Variants in SLC5A10 observed in about 807,000 individuals in gnomAD.
The protein encoded by SLC5A10 is sodium/mannose cotransporter SLC5A10.
In SLC5A10, 55 loss-of-function variants were observed where a neutral mutation model predicts 68.9. The ratio of observed to expected loss-of-function variants is 0.80; its 90% CI spans 0.64 to 1.00. The LOEUF (loss-of-function observed/expected upper bound fraction) is 1.00, where lower values mean the gene tolerates loss of function less well. Ranked by LOEUF, SLC5A10 falls within the 50% of genes least tolerant of loss-of-function variation. The probability of loss-of-function intolerance (pLI) is 0.00; values close to 1 mark genes in which losing one functional copy is unlikely to be tolerated. For synonymous variants in SLC5A10, 344 were observed against 344.8 expected (o/e 1.00, Z 0.02); for missense variants, 732 against 819.3 (o/e 0.89, Z 1.30).
Position 18,971,132 on chromosome 17 carries a change from C to T in SLC5A10, c.760C>T (p.Arg254Ter), listed in dbSNP as rs762492720. 7.4e-6 allele frequency: 12 copies of T among 1,613,978 alleles called. No homozygotes were observed. The highest frequency in any genetic ancestry group is 2.2e-5 in the South Asian group (2 of 91,096). ...ACGTACAGACGCCATGCACATGTTT[C>T]GAGACCCCCACACAGGGGACCTGCC... ...LPRTDAMHMFRDPHTGDLPWT... is the reference protein window; with the variant it reads ...LPRTDAMHMF Residue 254 changes from arginine (R) to a stop codon, truncating the protein, a stop_gained, in exon 8 of 15, where the codon CGA becomes TGA. Coordinates refer to ENST00000395645, the MANE Select transcript of SLC5A10 (RefSeq NM_001042450.4). LOFTEE classifies it high-confidence loss of function. This position sits in a 1 kb window ranked among gnomAD's most constrained non-coding sequence, Gnocchi z 5.5.
chr17:18,988,837 C>T lies in SLC5A10; in HGVS notation c.982+11848C>T, dbSNP rs538698622. On this transcript the variant is annotated intron_variant, in intron 9 of 14. Coordinates refer to ENST00000395645, the MANE Select transcript of SLC5A10 (RefSeq NM_001042450.4). ...ACCCAGATCTCTTCCTGTCAGCTGA[C>T]AACATCTGTCCCCATAGCAGGTGAC... 2.0e-5 allele frequency among the ~76,000 whole-genome samples: 3 copies of T among 152,348 alleles called. No individual in the cohort carries two copies. In the South Asian group the frequency reaches 6.2e-4, roughly 32 times the overall value.
chr17:19,013,047 T>C (rs1368032733), intron 9 of SLC5A10, among the ~76,000 whole-genome samples: 1 of 152,208 alleles, frequency 6.6e-6, no homozygotes, highest in Non-Finnish European at 1.5e-5. Flanking sequence ...CTCTCTCTTC[T>C]CTAGCCTCCA....
At chr17:18,958,810 T>C (rs2042557348) in intron 2 of SLC5A10, 57 bp downstream of exon 2, 1 of 1,581,830 alleles carries the variant, frequency 6.3e-7, no homozygotes, top group African/African-American at 1.3e-5. Context: ...CTGTGTCTGA[T>C]CTCTAGGTCA....
intron 7 of SLC5A10, chr17:18,970,233 G>A (rs543665524): frequency 6.6e-6 from 1 of 152,416 alleles, no homozygotes. Flanking sequence ...GGCCTGGGGT[G>A]GAAACGGGTT....
At chr17:18,951,078 C>A (rs2042361380), upstream of SLC5A10, among the ~76,000 whole-genome samples, 1 of 152,222 alleles carries the variant, frequency 6.6e-6, no homozygotes, top group Admixed American at 6.5e-5. Flanking sequence ...GCTGGGTTTG[C>A]AGGCCAGCGT....
chr17:18,977,216 T>C, intron 9 of SLC5A10: 1 of 632,822 alleles, frequency 1.6e-6, no homozygotes. Flanking sequence ...ACCTCAAGGC[T>C]GTAAATGAAC....
intron 1 of SLC5A10, 58 bp from the exon 2 acceptor site, chr17:18,958,624 C>T (rs936560784): frequency 9.1e-6 from 14 of 1,534,936 alleles, no homozygotes; most frequent in East Asian, 2.3e-5. Context: ...GTTTCCCATT[C>T]GACTTCCCAG....
At chr17:18,984,803 G>T (rs1182378937) in intron 9 of SLC5A10, among the ~76,000 whole-genome samples, 2 of 152,246 alleles carry the variant, frequency 1.3e-5, no homozygotes, top group Non-Finnish European at 2.9e-5. Context: ...GAGGGTGTCA[G>T]TGAAAGTTCT....
rs1440337750 is a variant in SLC5A10, at chr17:19,018,299, G to A, written c.1242-1124G>A. 1 of 152,384 alleles carries A rather than the reference G, an allele frequency of 6.6e-6. No homozygotes were observed. Among genetic ancestry groups the A allele is most frequent in the African/African-American group, 2.4e-5 (1 of 41,450 alleles). The allele number at this position is 152,384 out of a possible 1,614,324, so 9.4% of individuals were successfully genotyped here. On this transcript the variant is annotated intron_variant, in intron 11 of 14. Transcript: ENST00000395645. The surrounding 1 kb of genome is among the most constrained non-coding windows in gnomAD (Gnocchi z 4.2). ...GCCAACTGACCCAGGACACAGGGGTGAGGTGCTCAGCCAGGGAGGAGCGGA... is the reference window on the plus strand; with the variant it reads ...GCCAACTGACCCAGGACACAGGGGTAAGGTGCTCAGCCAGGGAGGAGCGGA...
chr17:18,991,334 C>T (rs2043418751), intron 9 of SLC5A10, among the ~76,000 whole-genome samples: 1 of 152,210 alleles, frequency 6.6e-6, no homozygotes, highest in South Asian at 2.1e-4. Flanking sequence ...CCCTCCTGGG[C>T]CCTTGGCTTC....
At chr17:18,952,057 G>A, upstream of SLC5A10, 2 of 1,323,178 alleles carry the variant, frequency 1.5e-6, no homozygotes, top group South Asian at 1.5e-5. Context: ...TGGTGAGGCA[G>A]CTGCCCTGCA....
At position 19,017,785 on chromosome 17, in the gene SLC5A10, G is replaced by A. The variant is rs113536212; in HGVS notation, c.1242-1638G>A. 2.1e-4 allele frequency: 38 copies of A among 182,576 alleles called. No homozygotes were observed. The highest frequency in any genetic ancestry group is 4.1e-4 in the Non-Finnish European group (36 of 86,926). 11.3% of individuals were successfully genotyped at this position (182,576 alleles called of 1,614,324 possible). A position where few individuals can be genotyped will look rare whatever the true frequency, so the allele number is the denominator to read the frequency against. The stretch of plus-strand genomic sequence containing the variant: ...CTTGAGATGTTCCACAGTAACTGTG[G>A]CTGCAGCCCAGGGAGATGCTGGAGG... On this transcript the variant is annotated intron_variant, in intron 11 of 14. Coordinates refer to ENST00000395645, the MANE Select transcript of SLC5A10 (RefSeq NM_001042450.4). This position sits in a 1 kb window ranked among gnomAD's most constrained non-coding sequence, Gnocchi z 5.6.
At chr17:19,009,348 C>G (rs565710090) in intron 9 of SLC5A10, among the ~76,000 whole-genome samples, 3 of 150,178 alleles carry the variant, frequency 2.0e-5, no homozygotes, top group Admixed American at 6.6e-5. Flanking sequence ...CGAACCACCA[C>G]GCTAATTTTA....
rs1351487425 is a variant in SLC5A10 at position 18,971,870 on chromosome 17, A to T, written c.846+652A>T. ...GGTTCGCCTCCTGGCTCTGCCATTC[A>T]CCAGGGAGTGGGCCTAGACCAGTTG... On this transcript the variant is annotated intron_variant, in intron 8 of 14. Coordinates refer to ENST00000395645, the MANE Select transcript of SLC5A10 (RefSeq NM_001042450.4). The surrounding 1 kb of genome is among the most constrained non-coding windows in gnomAD (Gnocchi z 5.5). 18 of 1,052,876 alleles carry T rather than the reference A, an allele frequency of 1.7e-5. No individual in the cohort carries two copies. The highest frequency in any genetic ancestry group is 2.3e-5 in the Non-Finnish European group (17 of 744,404). The allele number at this position is 1,052,876 out of a possible 1,614,324, so 65.2% of individuals were successfully genotyped here. A position where few individuals can be genotyped will look rare whatever the true frequency, so the allele number is the denominator to read the frequency against.
chr17:18,986,737 G>A (rs987386670), intron 9 of SLC5A10, among the ~76,000 whole-genome samples: 4 of 152,246 alleles, frequency 2.6e-5, no homozygotes, highest in Non-Finnish European at 4.4e-5. Flanking sequence ...CCCTGCTTGC[G>A]TCTGCACGCT....
intron 9 of SLC5A10, among the ~76,000 whole-genome samples, chr17:18,987,449 T>C (rs8070758): frequency 0.24 from 36,361 of 152,134 alleles, 6,340 homozygotes; most frequent in African/African-American, 0.48. Flanking sequence ...CTCAGGGAAA[T>C]GCTCTGCACG....
At chr17:18,994,937 C>A (rs2043525576) in intron 9 of SLC5A10, among the ~76,000 whole-genome samples, 1 of 152,194 alleles carries the variant, frequency 6.6e-6, no homozygotes, top group African/African-American at 2.4e-5. Context: ...TTTGCAACTC[C>A]TACCCTGGAG....
At chr17:18,960,702 C>T (rs764149909) in intron 5 of SLC5A10, 50 bp downstream of exon 5, 1 of 1,537,518 alleles carries the variant, frequency 6.5e-7, no homozygotes, top group Non-Finnish European at 9.0e-7. Context: ...CATCGCCAAT[C>T]TGTGGGCCCC....
At chr17:18,992,518 G>A (rs886684584) in intron 9 of SLC5A10, among the ~76,000 whole-genome samples, 1 of 152,240 alleles carries the variant, frequency 6.6e-6, no homozygotes, top group Non-Finnish European at 1.5e-5. Context: ...CTGGCTGCTG[G>A]CGTTGGGGGT....
Sources: allele counts gnomAD v4.1 joint callset (sites outside exome capture counted in the v4.1 genomes callset), GRCh38; gene constraint gnomAD v4.1.1; non-coding constraint Gnocchi (gnomAD v3.1); transcripts MANE v1.5; gene names NCBI Gene and HGNC (gene_info 2026-07-23, HGNC 2026-07-21).